The following MAGEC3 variants were observed in gnomAD, a reference collection of about 807,000 sequenced individuals.
MAGEC3 encodes melanoma-associated antigen C3.
MAGEC3 carries 34 observed loss-of-function variants against 35.3 expected under a neutral mutation model. That is an observed-to-expected ratio of 0.96 (90% CI 0.73 to 1.28). The LOEUF is 1.28. MAGEC3 is among the 50% of genes most tolerant of loss of function. The pLI is 0.00. For synonymous variants in MAGEC3, 202 were observed against 185.6 expected, an observed-to-expected ratio of 1.09 and a Z score of -0.72; for missense variants, 561 against 483.6, an observed-to-expected ratio of 1.16 and a Z score of -1.50.
At chrX:141,849,505 A>G (rs1281299138) in intron 1 of MAGEC3, among the ~76,000 whole-genome samples, 1 of 111,218 alleles carries the variant, frequency 9.0e-6, no homozygotes, top group Non-Finnish European at 1.9e-5. Flanking sequence ...TAAACTATGC[A>G]TCTAACAAAG....
chrX:141,897,743 G>T lies in MAGEC3; in HGVS notation c.1843G>T (p.Ala615Ser). 1 of 1,211,495 alleles carries T rather than the reference G, an allele frequency of 8.3e-7. No homozygotes were observed. The highest frequency in any genetic ancestry group is 1.8e-5 in the South Asian group (1 of 56,927). ...TGCTTTGAAAGATATGGAAGACAGA[G>T]CCCAGGCCATAATTGACACCACAGA... ...MDALKDMEDR[A>S]QAIIDTTDDA... Residue 615 changes from alanine to serine, a missense_variant, in exon 8 of 8, where the codon GCC becomes TCC. By Grantham distance (99) the Ala-to-Ser change is moderately conservative. Coordinates refer to ENST00000298296, the MANE Select transcript of MAGEC3 (RefSeq NM_138702.1).
chrX:141,867,164 T>G (rs1250081338), intron 2 of MAGEC3, among the ~76,000 whole-genome samples: 2 of 111,825 alleles, frequency 1.8e-5, no homozygotes, highest in African/African-American at 6.5e-5. Flanking sequence ...ATCTATCCTT[T>G]AACCAATGCC....
chrX:141,896,758 G>A, intron 6 of MAGEC3, 124 bp from the exon 7 acceptor site: 2 of 1,211,202 alleles, frequency 1.7e-6, no homozygotes, highest in Non-Finnish European at 2.2e-6. Flanking sequence ...AGATGAGGAG[G>A]AGGAGGATGC....
At chrX:141,869,179 C>T (rs1045359721) in intron 2 of MAGEC3, among the ~76,000 whole-genome samples, 32 of 111,337 alleles carry the variant, frequency 2.9e-4, no homozygotes, top group Non-Finnish European at 1.5e-4. Flanking sequence ...CCACCGCGCC[C>T]GGCCAGTTCT....
intron 1 of MAGEC3, among the ~76,000 whole-genome samples, chrX:141,855,106 T>A (rs1451221918): frequency 2.7e-5 from 3 of 111,140 alleles, no homozygotes; most frequent in African/African-American, 9.8e-5. Flanking sequence ...ATTTGCTAAG[T>A]GGTAAGACAG....
intron 1 of MAGEC3, among the ~76,000 whole-genome samples, chrX:141,841,721 A>G (rs142256586): frequency 0.018 from 2,018 of 111,643 alleles, 12 homozygotes; most frequent in Middle Eastern, 0.037. Context: ...CCTCTCTGGA[A>G]CATTTGTCAA....
At chrX:141,877,971 C>T (rs2017930515) in intron 2 of MAGEC3, among the ~76,000 whole-genome samples, 1 of 111,711 alleles carries the variant, frequency 9.0e-6, no homozygotes, top group African/African-American at 3.3e-5. Context: ...GAACATACTT[C>T]AGTCACATTT....
chrX:141,858,291 G>A (rs956742938), intron 1 of MAGEC3, among the ~76,000 whole-genome samples: 1 of 110,727 alleles, frequency 9.0e-6, no homozygotes, highest in Non-Finnish European at 1.9e-5. Context: ...AGCAAAGGAA[G>A]GGTCAAGTTT....
At chrX:141,854,936 C>T (rs2017771442) in intron 1 of MAGEC3, among the ~76,000 whole-genome samples, 1 of 111,643 alleles carries the variant, frequency 9.0e-6, no homozygotes, top group Non-Finnish European at 1.9e-5. Context: ...ATCTTGTGCT[C>T]ACATGGGAGT....
At chrX:141,858,428 G>A (rs1166879977) in intron 1 of MAGEC3, among the ~76,000 whole-genome samples, 3 of 110,847 alleles carry the variant, frequency 2.7e-5, no homozygotes, top group African/African-American at 9.8e-5. Flanking sequence ...TTAAGTGAGG[G>A]AATTATCTTA....
At chrX:141,872,228 A>C in intron 2 of MAGEC3, among the ~76,000 whole-genome samples, 2 of 111,264 alleles carry the variant, frequency 1.8e-5, no homozygotes, top group South Asian at 7.7e-4. Flanking sequence ...GGCTGTCGTT[A>C]TCTAATCTGT....
At chrX:141,882,916 C>T (rs1450479910) in intron 4 of MAGEC3, among the ~76,000 whole-genome samples, 1 of 112,002 alleles carries the variant, frequency 8.9e-6, no homozygotes, top group Non-Finnish European at 1.9e-5. Flanking sequence ...TAGTGTGGGG[C>T]TTCGGGAAAC....
At chrX:141,849,691 A>G (rs987597427) in intron 1 of MAGEC3, among the ~76,000 whole-genome samples, 2 of 111,313 alleles carry the variant, frequency 1.8e-5, no homozygotes, top group African/African-American at 6.5e-5. Context: ...ACAATGAGAT[A>G]CCACCTCACA....
chrX:141,872,985 C>T (rs2017897960), intron 2 of MAGEC3, among the ~76,000 whole-genome samples: 1 of 112,018 alleles, frequency 8.9e-6, no homozygotes, highest in Admixed American at 9.4e-5. Context: ...AGAGCCTTTG[C>T]CCCCAACACC....
At chrX:141,845,312 T>C (rs2017709726) in intron 1 of MAGEC3, among the ~76,000 whole-genome samples, 1 of 111,324 alleles carries the variant, frequency 9.0e-6, no homozygotes, top group Non-Finnish European at 1.9e-5. Context: ...TAGTGATAAA[T>C]GAGAATAGTC....
In MAGEC3 at chrX:141,897,362, G is replaced by C. The variant is rs754172772; in HGVS notation, c.1604G>C (p.Gly535Ala). 16 of 1,211,814 alleles carry C rather than the reference G, an allele frequency of 1.3e-5. No individual in the cohort carries two copies. Among genetic ancestry groups the C allele is most frequent in the Non-Finnish European group, 1.7e-5 (15 of 895,539 alleles). The part of the protein sequence containing the change: ...FEDTLDLTYE[G>A]SLIDDQGMPK... ...GACACATTAGACCTCACCTATGAGG[G>C]AAGCCTGATTGATGACCAGGGCATG... Residue 535 changes from glycine to alanine, a missense_variant, in exon 7 of 8, where the codon GGA becomes GCA. Gly to Ala is a moderately conservative substitution (Grantham distance 60, BLOSUM62 0). Coordinates refer to ENST00000298296, the MANE Select transcript of MAGEC3 (RefSeq NM_138702.1).
At chrX:141,854,261 A>C (rs1003835025) in intron 1 of MAGEC3, among the ~76,000 whole-genome samples, 7 of 111,206 alleles carry the variant, frequency 6.3e-5, no homozygotes, top group African/African-American at 2.3e-4. Flanking sequence ...AAGAGAAAGA[A>C]AAAGGAATTA....
At chrX:141,854,576 G>A (rs1314479249) in intron 1 of MAGEC3, among the ~76,000 whole-genome samples, 1 of 111,040 alleles carries the variant, frequency 9.0e-6, no homozygotes, top group Middle Eastern at 4.6e-3. Flanking sequence ...CTGCTTTTTC[G>A]TCTTCCTCGT....
chrX:141,853,716 G>T (rs2017764500), intron 1 of MAGEC3, among the ~76,000 whole-genome samples: 1 of 111,355 alleles, frequency 9.0e-6, no homozygotes, highest in Non-Finnish European at 1.9e-5. Flanking sequence ...ATCATGCAGG[G>T]TAAGGTTTTG....
Sources: allele counts gnomAD v4.1 joint callset (sites outside exome capture counted in the v4.1 genomes callset), GRCh38; gene constraint gnomAD v4.1.1; transcripts MANE v1.5; gene names NCBI Gene and HGNC (gene_info 2026-07-23, HGNC 2026-07-21).